The following ZNRF3 variants were observed in gnomAD, a reference collection of about 807,000 sequenced individuals.
The protein encoded by ZNRF3 is E3 ubiquitin-protein ligase ZNRF3.
ZNRF3 carries 23 observed loss-of-function variants against 72.5 expected under a neutral mutation model. The ratio of observed to expected loss-of-function variants is 0.32; its 90% CI spans 0.23 to 0.45. The LOEUF (loss-of-function observed/expected upper bound fraction) is 0.45. ZNRF3 is among the 20% of genes least tolerant of loss of function. The pLI, the probability that ZNRF3 is intolerant of heterozygous loss-of-function variation, is 1.00. For missense variants in ZNRF3, 1,169 were observed against 1,272.1 expected, an observed-to-expected ratio of 0.92 and a Z score of 1.23; for synonymous variants, 610 against 545.3, an observed-to-expected ratio of 1.12 and a Z score of -1.65.
chr22:29,052,586 G>A (rs906084280), intron 8 of ZNRF3, among the ~76,000 whole-genome samples: 22 of 151,896 alleles, frequency 1.4e-4, no homozygotes, highest in East Asian at 1.9e-4. Flanking sequence ...CTACCTACTC[G>A]GGAGGCTGAG....
intron 1 of ZNRF3, among the ~76,000 whole-genome samples, chr22:28,887,239 T>A (rs773995477): frequency 0.014 from 1,547 of 107,452 alleles, 13 homozygotes; most frequent in African/African-American, 0.034. Flanking sequence ...AGAGAGAGTG[T>A]GTGTGTGTGT....
chr22:29,005,698 G>A (rs1193083569), intron 2 of ZNRF3, among the ~76,000 whole-genome samples: 1 of 152,164 alleles, frequency 6.6e-6, no homozygotes, highest in Non-Finnish European at 1.5e-5. Flanking sequence ...TAATGCAGGG[G>A]AATGAAGCCT....
intron 2 of ZNRF3, chr22:29,025,069 C>T (rs2036605371): frequency 6.6e-6 from 1 of 150,434 alleles, no homozygotes. Context: ...ACAACCTCCA[C>T]ATCCCAGGTT....
intron 1 of ZNRF3, among the ~76,000 whole-genome samples, chr22:28,913,894 C>T (rs1309782362): frequency 3.3e-5 from 5 of 152,034 alleles, no homozygotes; most frequent in African/African-American, 4.8e-5. Flanking sequence ...ACTGTGATGG[C>T]GGGCAGATAA....
chr22:28,893,778 G>A (rs1263615259), intron 1 of ZNRF3, among the ~76,000 whole-genome samples: 2 of 152,176 alleles, frequency 1.3e-5, no homozygotes, highest in African/African-American at 2.4e-5. Flanking sequence ...GATTATAGGC[G>A]TGAGCCACTG....
chr22:28,900,856 C>T (rs1372126178), intron 1 of ZNRF3, among the ~76,000 whole-genome samples: 1 of 152,084 alleles, frequency 6.6e-6, no homozygotes, highest in African/African-American at 2.4e-5. Flanking sequence ...ACCTATAATA[C>T]CAGCTTTAGG....
rs781782644 is a variant in ZNRF3 at position 29,050,361 on chromosome 22, C to T, written c.2180C>T (p.Ala727Val). Residue 727 changes from alanine (A) to valine (V), a missense_variant, in exon 8 of 9, where the codon GCA becomes GTA. By Grantham distance (64) the Ala-to-Val change is moderately conservative (BLOSUM62 0). Transcript: ENST00000544604. The part of the protein sequence containing the change: ...QPSPAGPSAG[A>V]AGSSTLFLGP... The stretch of plus-strand genomic sequence containing the variant: ...TCCCCAGCCGGGCCTAGCGCCGGAG[C>T]AGCTGGCAGCAGCACCTTGTTCCTG... 7.5e-6 allele frequency: 12 copies of T among 1,603,224 alleles called. No individual in the cohort carries two copies. The highest frequency in any genetic ancestry group is 6.8e-6 in the Non-Finnish European group (8 of 1,175,326).
rs1016825283 is a variant in ZNRF3 at position 29,050,774 on chromosome 22, C to G, written c.2593C>G (p.Arg865Gly). 1 of 1,607,012 alleles carries G rather than the reference C, an allele frequency of 6.2e-7. No homozygotes were observed. Among genetic ancestry groups the G allele is most frequent in the Non-Finnish European group, 8.5e-7 (1 of 1,177,064 alleles). ...TGGGACGCGAGGCCCGGATACCCCA[C>G]GGCCCCACAGGGGCCTGGGAGCAAC... ...WGGTRGPDTP[R>G]PHRGLGATRE... Residue 865 changes from arginine to glycine, a missense_variant, in exon 8 of 9, where the codon CGG (arginine) becomes GGG (glycine). Arg to Gly is a moderately radical substitution (Grantham distance 125, BLOSUM62 -2). Transcript: ENST00000544604.
chr22:29,027,433 G>C (rs1220338482), intron 2 of ZNRF3, among the ~76,000 whole-genome samples: 1 of 152,056 alleles, frequency 6.6e-6, no homozygotes, highest in Non-Finnish European at 1.5e-5. Flanking sequence ...ATTTGTAGTA[G>C]AGACGGGGTT....
chr22:28,950,050 G>A, intron 1 of ZNRF3, among the ~76,000 whole-genome samples: 1 of 152,040 alleles, frequency 6.6e-6, no homozygotes, highest in East Asian at 1.9e-4. Context: ...ACATTCTTAA[G>A]GAAACTTTTA....
At chr22:29,038,219 TTGAG>T in intron 2 of ZNRF3, among the ~76,000 whole-genome samples, 1 of 152,300 alleles carries the variant, frequency 6.6e-6, no homozygotes, top group Non-Finnish European at 1.5e-5. Flanking sequence ...TGGTCTACAC[TTGAG>T]TAATTAAAAT....
intron 1 of ZNRF3, among the ~76,000 whole-genome samples, chr22:28,898,938 T>G (rs1210172542): frequency 6.6e-6 from 1 of 151,452 alleles, no homozygotes; most frequent in Non-Finnish European, 1.5e-5. Context: ...TTTTTTTTTT[T>G]TTTTTTTTTT....
intron 8 of ZNRF3, among the ~76,000 whole-genome samples, chr22:29,052,648 GC>G (rs1015289726): frequency 2.7e-5 from 4 of 148,936 alleles, no homozygotes; most frequent in Non-Finnish European, 5.9e-5. Flanking sequence ...AGCTGAGATC[GC>G]CCCATCGTAC....
chr22:29,053,839 T>A lies in ZNRF3; in HGVS notation c.*217T>A. The A allele has an allele frequency of 2.0e-6, 1 of 488,936 alleles. No homozygotes were observed. The highest frequency in any genetic ancestry group is 3.6e-6 in the Non-Finnish European group (1 of 276,890). 30.3% of individuals were successfully genotyped at this position (488,936 alleles called of 1,614,324 possible). ...CAACAGACAAAATTCTCCGAGTCCTTTGCCTCTTTTGATAACATGTTGTTC... is the reference window on the plus strand; with the variant it reads ...CAACAGACAAAATTCTCCGAGTCCTATGCCTCTTTTGATAACATGTTGTTC... On this transcript the variant is annotated 3_prime_UTR_variant, in exon 9 of 9. Coordinates refer to ENST00000544604, the MANE Select transcript of ZNRF3 (RefSeq NM_001206998.2).
chr22:29,050,128 C>T lies in ZNRF3; in HGVS notation c.1947C>T (p.Gly649=), dbSNP rs774415074. 1 of 1,606,218 alleles carries T rather than the reference C, an allele frequency of 6.2e-7. No homozygotes were observed. Among genetic ancestry groups the T allele is most frequent in the South Asian group, 1.1e-5 (1 of 91,082 alleles). The change falls in exon 8 of 9, where the codon GGC becomes GGT. Residue 649 remains glycine (G), a synonymous_variant. Transcript: ENST00000544604. ...CTGGGCGGGGCGAGCCTTGGCCGGG[C>T]CCTGCCTCTCCCTCGGGGGATCAGG... The part of the protein sequence containing the change: ...HGAGRGEPWP[G]PASPSGDQVS...
intron 1 of ZNRF3, among the ~76,000 whole-genome samples, chr22:28,935,525 C>T (rs937064871): frequency 7.2e-5 from 11 of 152,204 alleles, no homozygotes; most frequent in African/African-American, 2.7e-4. Flanking sequence ...CTAGGCTCCA[C>T]TCTTTGGGGT....
At chr22:28,933,706 A>ACCCCCCCCCC (rs1569250994) in intron 1 of ZNRF3, among the ~76,000 whole-genome samples, 1 of 59,642 alleles carries the variant, frequency 1.7e-5, no homozygotes, top group African/African-American at 7.3e-5. Context: ...CTCCTATCAC[A>ACCCCCCCCCC]CCCCCACCCC....
intron 8 of ZNRF3, among the ~76,000 whole-genome samples, chr22:29,051,346 A>C (rs1473714818): frequency 6.6e-6 from 1 of 152,114 alleles, no homozygotes; most frequent in African/African-American, 2.4e-5. Context: ...CAGGAGTTGG[A>C]GACAGCCTGG....
chr22:29,057,017 C>CT lies in ZNRF3; in HGVS notation c.*3398dup, dbSNP rs1156755907. The CT allele has an allele frequency of 6.6e-6, 1 of 152,106 alleles. No homozygotes were observed. The highest frequency in any genetic ancestry group is 1.5e-5 in the Non-Finnish European group (1 of 68,010). The allele number at this position is 152,106 out of a possible 1,614,324, so 9.4% of individuals were successfully genotyped here. ...CCTTTTTCTACTCTTTATGTAAACTCTTTCTATTGTGTTGGTCTAACAAGG... is the reference window on the plus strand; with the variant it reads ...CCTTTTTCTACTCTTTATGTAAACTCTTTTCTATTGTGTTGGTCTAACAAGG... On this transcript the variant is annotated 3_prime_UTR_variant, in exon 9 of 9. Coordinates refer to ENST00000544604, the MANE Select transcript of ZNRF3 (RefSeq NM_001206998.2).
Sources: allele counts gnomAD v4.1 joint callset (sites outside exome capture counted in the v4.1 genomes callset), GRCh38; gene constraint gnomAD v4.1.1; transcripts MANE v1.5; gene names NCBI Gene and HGNC (gene_info 2026-07-23, HGNC 2026-07-21).